The following PPP1R7 variants were observed in gnomAD, a reference collection of about 807,000 sequenced individuals.
PPP1R7 encodes protein phosphatase 1 regulatory subunit 7.
In PPP1R7, 18 loss-of-function variants were observed where a neutral mutation model predicts 45.2. The observed-to-expected ratio is 0.40, with a 90% CI of 0.28 to 0.59. The LOEUF (loss-of-function observed/expected upper bound fraction) is 0.59, where lower values mean the gene tolerates loss of function less well. PPP1R7 is among the 20% of genes least tolerant of loss of function. The pLI is 0.46. For missense variants in PPP1R7, 314 were observed against 455.8 expected, an observed-to-expected ratio of 0.69 and a Z score of 2.83; for synonymous variants, 181 against 183.4, an observed-to-expected ratio of 0.99 and a Z score of 0.11.
intron 1 of PPP1R7, 142 bp downstream of exon 1, chr2:241,150,689 C>CCGGGGGAG: frequency 7.9e-7 from 1 of 1,271,208 alleles, no homozygotes; most frequent in South Asian, 2.1e-5. Flanking sequence ...ACAGCCGGAC[C>CCGGGGGAG]CGGGGGAGCG....
Position 241,157,794 on chromosome 2 carries a change from C to A in PPP1R7, c.182-13C>A. On this transcript the variant is annotated splice_polypyrimidine_tract_variant and intron_variant, in intron 2 of 9. Transcript: ENST00000234038. ...TGGGGTTCTGAACAAATCTCTTTTTCTTATTTTTTCAGAAGAACATGAGCT... is the reference window on the plus strand; with the variant it reads ...TGGGGTTCTGAACAAATCTCTTTTTATTATTTTTTCAGAAGAACATGAGCT... 1 of 1,611,930 alleles carries A rather than the reference C, an allele frequency of 6.2e-7. No individual in the cohort carries two copies. The highest frequency in any genetic ancestry group is 8.5e-7 in the Non-Finnish European group (1 of 1,178,118).
rs2068046373 is a variant in PPP1R7, at chr2:241,183,562, A to T, written c.*739A>T. The T allele has an allele frequency of 2.4e-6, 1 of 417,184 alleles. No individual in the cohort carries two copies. Among genetic ancestry groups the T allele is most frequent in the African/African-American group, 2.1e-5 (1 of 48,018 alleles). 25.8% of individuals were successfully genotyped at this position (417,184 alleles called of 1,614,324 possible). ...GCCTCTCCAAAGACGGCCTCCAAGGATCTGAACTCTTGGCCACTGGTATAG... is the reference window on the plus strand; with the variant it reads ...GCCTCTCCAAAGACGGCCTCCAAGGTTCTGAACTCTTGGCCACTGGTATAG... On this transcript the variant is annotated 3_prime_UTR_variant, in exon 10 of 10. Coordinates refer to ENST00000234038, the MANE Select transcript of PPP1R7 (RefSeq NM_002712.3).
intron 8 of PPP1R7, 62 bp downstream of exon 8, chr2:241,166,503 T>TGGCC: frequency 6.9e-7 from 1 of 1,446,766 alleles, no homozygotes; most frequent in Non-Finnish European, 9.6e-7. Context: ...GGCAGGCACC[T>TGGCC]GGCCAGCCAG....
At chr2:241,159,966 T>TC (rs764930919) in intron 5 of PPP1R7, among the ~76,000 whole-genome samples, 27 of 152,242 alleles carry the variant, frequency 1.8e-4, no homozygotes, top group Non-Finnish European at 5.9e-5. Flanking sequence ...TTGTTTTGTT[T>TC]CTGTTTCTAA....
At chr2:241,161,436 A>C (rs1259018063) in intron 6 of PPP1R7, among the ~76,000 whole-genome samples, 1 of 151,342 alleles carries the variant, frequency 6.6e-6, no homozygotes, top group Admixed American at 6.6e-5. Context: ...CAAGCCCAGC[A>C]AAGTGGTCAC....
At chr2:241,177,283 G>A (rs2067923976) in intron 9 of PPP1R7, among the ~76,000 whole-genome samples, 1 of 152,044 alleles carries the variant, frequency 6.6e-6, no homozygotes, top group African/African-American at 2.4e-5. Flanking sequence ...TGGATGTGGT[G>A]GCACGCGCCT....
intron 2 of PPP1R7, among the ~76,000 whole-genome samples, chr2:241,154,768 C>G (rs946073635): frequency 6.6e-6 from 1 of 152,132 alleles, no homozygotes; most frequent in Non-Finnish European, 1.5e-5. Context: ...AGAAAGAAAA[C>G]ACATCAAACG....
At chr2:241,166,123 C>T (rs1192328650) in intron 7 of PPP1R7, among the ~76,000 whole-genome samples, 2 of 146,204 alleles carry the variant, frequency 1.4e-5, no homozygotes, top group Non-Finnish European at 3.1e-5. Flanking sequence ...AGGATGGTCT[C>T]GATCTCCTGA....
intron 1 of PPP1R7, among the ~76,000 whole-genome samples, chr2:241,150,877 G>T (rs1473344373): frequency 6.6e-6 from 1 of 152,156 alleles, no homozygotes; most frequent in African/African-American, 2.4e-5. Context: ...TTGACGGGCG[G>T]GGGAGCCTCC....
At position 241,157,846 on chromosome 2, in the gene PPP1R7, T is replaced by C; in HGVS notation, c.221T>C (p.Leu74Pro). ...ELPVDMETINLDRDAEDVDLN... is the reference protein window; with the variant it reads ...ELPVDMETINPDRDAEDVDLN... ...CCTGTGGACATGGAAACCATCAACCTGGACAGAGATGCAGAGGTAATGCCG... is the reference window on the plus strand; with the variant it reads ...CCTGTGGACATGGAAACCATCAACCCGGACAGAGATGCAGAGGTAATGCCG... The change falls in exon 3 of 10, where the codon CTG becomes CCG. Residue 74 changes from leucine to proline, a missense_variant. Leu to Pro is a moderately conservative substitution (Grantham distance 98). Transcript: ENST00000234038. The C allele has an allele frequency of 6.2e-7, 1 of 1,614,068 alleles. No homozygotes were observed. The highest frequency in any genetic ancestry group is 8.5e-7 in the Non-Finnish European group (1 of 1,179,926).
At chr2:241,178,099 C>T (rs1355552358) in intron 9 of PPP1R7, among the ~76,000 whole-genome samples, 6 of 152,252 alleles carry the variant, frequency 3.9e-5, no homozygotes, top group Non-Finnish European at 7.3e-5. Context: ...TGACCCAGGG[C>T]TGTCTGGGTG....
chr2:241,156,190 G>A (rs899653525), intron 2 of PPP1R7, among the ~76,000 whole-genome samples: 1 of 152,176 alleles, frequency 6.6e-6, no homozygotes, highest in African/African-American at 2.4e-5. Context: ...GCAAGTGCAC[G>A]TTTGCTCTAG....
At chr2:241,173,818 T>A (rs572776597) in intron 9 of PPP1R7, among the ~76,000 whole-genome samples, 1 of 152,376 alleles carries the variant, frequency 6.6e-6, no homozygotes, top group Non-Finnish European at 1.5e-5. Flanking sequence ...GATCATGATC[T>A]TATCATCTGT....
upstream of PPP1R7, chr2:241,150,344 A>G (rs187779330): frequency 1.2e-3 from 1,641 of 1,317,244 alleles, 12 homozygotes; most frequent in South Asian, 0.012. Flanking sequence ...TGACGGAACT[A>G]CAACTCCCAT....
At chr2:241,173,284 A>G (rs1166558715) in intron 9 of PPP1R7, among the ~76,000 whole-genome samples, 3 of 126,974 alleles carry the variant, frequency 2.4e-5, no homozygotes, top group African/African-American at 5.2e-5. Context: ...AAAAAAAAAA[A>G]AAAAAAAAAG....
chr2:241,182,310 T>A lies in PPP1R7; in HGVS notation c.907-337T>A, dbSNP rs147430210. On this transcript the variant is annotated intron_variant, in intron 9 of 9. Transcript: ENST00000234038. The stretch of plus-strand genomic sequence containing the variant: ...TGGCTGAGAACTGGTTTGTAGAAAG[T>A]GCAGCCCACCCTGCTTTGACACTTG... Among the ~76,000 whole-genome samples the A allele has an allele frequency of 1.9e-3, 286 of 152,332 alleles. 2 individuals carry two copies. Among genetic ancestry groups the A allele is most frequent in the Middle Eastern group, 3.4e-3 (1 of 294 alleles).
chr2:241,181,065 G>A (rs943914602), intron 9 of PPP1R7, among the ~76,000 whole-genome samples: 3 of 152,176 alleles, frequency 2.0e-5, no homozygotes, highest in Non-Finnish European at 4.4e-5. Context: ...GAGCATGATG[G>A]CGAGTGCCTG....
chr2:241,178,947 C>T (rs2284874), intron 9 of PPP1R7, among the ~76,000 whole-genome samples: 2,253 of 151,712 alleles, frequency 0.015, 81 homozygotes, highest in East Asian at 0.1. Context: ...AGAATTCTAC[C>T]CATCTTTTGC....
At chr2:241,165,143 A>G (rs2067677491) in intron 7 of PPP1R7, among the ~76,000 whole-genome samples, 1 of 152,214 alleles carries the variant, frequency 6.6e-6, no homozygotes, top group Non-Finnish European at 1.5e-5. Context: ...CCTTCACCAA[A>G]TGTATCTTTT....
Sources: gnomAD v4.1 joint callset for allele counts (sites outside exome capture counted in the v4.1 genomes callset) on GRCh38, gnomAD v4.1.1 for gene constraint, MANE v1.5 for transcripts, NCBI Gene and HGNC (gene_info 2026-07-23, HGNC 2026-07-21) for gene names.